LHFPL3: variants seen among roughly 807,000 people sequenced by gnomAD.
The protein encoded by LHFPL3 is LHFPL tetraspan subfamily member 3.
A neutral mutation model predicts 19.3 loss-of-function variants in LHFPL3; 5 were observed. The observed-to-expected ratio is 0.26, with a 90% CI of 0.14 to 0.54. The LOEUF (loss-of-function observed/expected upper bound fraction) is 0.54. Ranked by LOEUF, LHFPL3 falls within the 20% of genes least tolerant of loss-of-function variation. The probability of loss-of-function intolerance (pLI) is 0.94; values close to 1 mark genes in which losing one functional copy is unlikely to be tolerated. For missense variants in LHFPL3, 249 were observed against 307.4 expected, an observed-to-expected ratio of 0.81 and a Z score of 1.42; for synonymous variants, 133 against 126.2, an observed-to-expected ratio of 1.05 and a Z score of -0.36.
intron 1 of LHFPL3, among the ~76,000 whole-genome samples, chr7:104,622,687 C>A (rs923879711): frequency 6.6e-6 from 1 of 152,140 alleles, no homozygotes; most frequent in Non-Finnish European, 1.5e-5. Flanking sequence ...TTGAATCATG[C>A]AATAACTGGT....
chr7:104,677,642 G>A (rs1438603294), intron 1 of LHFPL3, among the ~76,000 whole-genome samples: 1 of 152,118 alleles, frequency 6.6e-6, no homozygotes, highest in Non-Finnish European at 1.5e-5. Context: ...CAACATTCTA[G>A]GGCAGTCCTG....
At chr7:104,542,415 ATCT>A (rs1404922507) in intron 1 of LHFPL3, among the ~76,000 whole-genome samples, 1 of 152,204 alleles carries the variant, frequency 6.6e-6, no homozygotes, top group African/African-American at 2.4e-5. Flanking sequence ...GAGTTCTCTC[ATCT>A]TCTGATGAAT....
Position 104,328,809 on chromosome 7 carries a change from C to A in LHFPL3, c.30C>A (p.Ala10=), listed in dbSNP as rs777901867. 1 of 1,606,956 alleles carries A rather than the reference C, an allele frequency of 6.2e-7. No individual in the cohort carries two copies. Among genetic ancestry groups the A allele is most frequent in the African/African-American group, 1.3e-5 (1 of 74,678 alleles). The change falls in exon 1 of 3, where the codon GCC becomes GCA. Residue 10 remains alanine (A), a synonymous_variant. Coordinates refer to ENST00000424859, the MANE Select transcript of LHFPL3 (RefSeq NM_199000.3). The surrounding 1 kb of genome is among the most constrained non-coding windows in gnomAD (Gnocchi z 4.6). MPGAAAAAA[A]AAAAMLPAQE... is the part of the protein sequence containing the mutation. ...CCGGAGCCGCCGCCGCTGCCGCCGC[C>A]GCCGCCGCCGCGATGCTCCCGGCTC...
intron 1 of LHFPL3, among the ~76,000 whole-genome samples, chr7:104,496,449 T>G (rs1793484052): frequency 6.6e-6 from 1 of 152,212 alleles, no homozygotes; most frequent in African/African-American, 2.4e-5. Flanking sequence ...TGTGTCTTTA[T>G]AGCAGCATGA....
chr7:104,713,666 A>C (rs1331274734), intron 1 of LHFPL3, among the ~76,000 whole-genome samples: 3 of 152,188 alleles, frequency 2.0e-5, no homozygotes, highest in Non-Finnish European at 4.4e-5. Flanking sequence ...CATATCACTA[A>C]CTAGCAGACT....
intron 1 of LHFPL3, among the ~76,000 whole-genome samples, chr7:104,613,475 G>T (rs1791247706): frequency 6.6e-6 from 1 of 152,104 alleles, no homozygotes; most frequent in Non-Finnish European, 1.5e-5. Flanking sequence ...AGAAAATGAC[G>T]ATTCTTTTGA....
At chr7:104,688,983 TA>T (rs1258401686) in intron 1 of LHFPL3, among the ~76,000 whole-genome samples, 1 of 152,136 alleles carries the variant, frequency 6.6e-6, no homozygotes, top group Admixed American at 6.5e-5. Context: ...CTCAGGGAGT[TA>T]AAAAAAGTTC....
At chr7:104,573,353 A>G (rs1790263840) in intron 1 of LHFPL3, among the ~76,000 whole-genome samples, 4 of 150,452 alleles carry the variant, frequency 2.7e-5, no homozygotes, top group African/African-American at 9.8e-5. Context: ...CGGAGGTTGC[A>G]GTGAGCCGAG....
At chr7:104,892,417 A>G (rs1409125820) in intron 2 of LHFPL3, among the ~76,000 whole-genome samples, 2 of 152,174 alleles carry the variant, frequency 1.3e-5, no homozygotes, top group Non-Finnish European at 2.9e-5. Context: ...TCAGAGTCAA[A>G]AAACATCCTA....
intron 2 of LHFPL3, among the ~76,000 whole-genome samples, chr7:104,745,786 T>G (rs1794035234): frequency 6.6e-6 from 1 of 152,106 alleles, no homozygotes; most frequent in African/African-American, 2.4e-5. Flanking sequence ...TAAGCTTGTC[T>G]GAAAAAAGGG....
chr7:104,791,228 A>G (rs773221137), intron 2 of LHFPL3, among the ~76,000 whole-genome samples: 6 of 152,204 alleles, frequency 3.9e-5, no homozygotes, highest in African/African-American at 9.7e-5. Context: ...CTTCAGGAGT[A>G]CTTTCTGATT....
Position 104,572,707 on chromosome 7 carries a change from A to C in LHFPL3, c.446-163968A>C, listed in dbSNP as rs185431198. On this transcript the variant is annotated intron_variant, in intron 1 of 2. Coordinates refer to ENST00000424859, the MANE Select transcript of LHFPL3 (RefSeq NM_199000.3). The stretch of plus-strand genomic sequence containing the variant: ...CTCTGCTTTTAAGGGTTGATCTTCT[A>C]TAGGGACTAAAGTAGGTCAGTGTTT... Among the ~76,000 whole-genome samples, 133 of 152,276 alleles carry C rather than the reference A, an allele frequency of 8.7e-4. 1 individual carries two copies. The Middle Eastern group carries it at 0.01, about 12-fold the overall frequency.
chr7:104,505,393 T>A (rs1315268761), intron 1 of LHFPL3, among the ~76,000 whole-genome samples: 2 of 152,234 alleles, frequency 1.3e-5, no homozygotes, highest in Non-Finnish European at 2.9e-5. Context: ...AAATGATAAC[T>A]ATAAAGTTCA....
intron 1 of LHFPL3, among the ~76,000 whole-genome samples, chr7:104,620,140 A>C (rs1186206196): frequency 6.6e-6 from 1 of 152,148 alleles, no homozygotes; most frequent in East Asian, 1.9e-4. Context: ...ATATATCAAG[A>C]TCATGTGATA....
chr7:104,606,855 G>C lies in LHFPL3; in HGVS notation c.446-129820G>C, dbSNP rs143666891. ...ATGAAACCATAAAGGTGTGGAAAAT[G>C]GTCCTCAGGCACTGAGTCCGTCTCT... is the stretch of plus-strand genomic sequence containing the variant. On this transcript the variant is annotated intron_variant, in intron 1 of 2. Transcript: ENST00000424859. Among the ~76,000 whole-genome samples the C allele has an allele frequency of 1.7e-3, 263 of 152,204 alleles. 1 individual carries two copies. The highest frequency in any genetic ancestry group is 6.0e-3 in the African/African-American group (251 of 41,538).
rs530412506 is a variant in LHFPL3 at position 104,350,270 on chromosome 7, A to C, written c.445+21046A>C. 2.0e-4 allele frequency among the ~76,000 whole-genome samples: 30 copies of C among 152,312 alleles called. 1 individual carries two copies. The South Asian group carries it at 6.0e-3, about 31-fold the overall frequency. On this transcript the variant is annotated intron_variant, in intron 1 of 2. Coordinates refer to ENST00000424859, the MANE Select transcript of LHFPL3 (RefSeq NM_199000.3). ...CAATTAGTCTGTGGGATGAGTTGCT[A>C]CTGTATTGGGAGTGTAGAACAGAAT...
intron 1 of LHFPL3, among the ~76,000 whole-genome samples, chr7:104,409,304 C>CTGTGTGTGTG (rs59285167): frequency 6.7e-6 from 1 of 148,804 alleles, no homozygotes; most frequent in Non-Finnish European, 1.5e-5. Flanking sequence ...CTTATGTGTG[C>CTGTGTGTGTG]TGTGTGTGTG....
chr7:104,368,325 T>C (rs1240764305), intron 1 of LHFPL3, among the ~76,000 whole-genome samples: 1 of 152,172 alleles, frequency 6.6e-6, no homozygotes, highest in African/African-American at 2.4e-5. Context: ...ATCTACCCTC[T>C]CATTTTTTGA....
At chr7:104,754,334 T>G (rs182780302) in intron 2 of LHFPL3, among the ~76,000 whole-genome samples, 2 of 152,224 alleles carry the variant, frequency 1.3e-5, no homozygotes, top group Admixed American at 1.3e-4. Context: ...CACATAAAAA[T>G]ATATACGTTA....
Sources: gnomAD v4.1 joint callset for allele counts (sites outside exome capture counted in the v4.1 genomes callset) on GRCh38, gnomAD v4.1.1 for gene constraint, Gnocchi (gnomAD v3.1) non-coding constraint, MANE v1.5 for transcripts, NCBI Gene and HGNC (gene_info 2026-07-23, HGNC 2026-07-21) for gene names.